The following KCND2 variants were observed in gnomAD, a reference collection of about 807,000 sequenced individuals.
The protein encoded by KCND2 is A-type voltage-gated potassium channel KCND2.
In KCND2, 16 loss-of-function variants were observed where a neutral mutation model predicts 54.4. The ratio of observed to expected loss-of-function variants is 0.29; its 90% CI spans 0.20 to 0.45. The LOEUF (loss-of-function observed/expected upper bound fraction) is 0.45, where lower values mean the gene tolerates loss of function less well. KCND2 is among the 20% of genes least tolerant of loss of function. The pLI, the probability that KCND2 is intolerant of heterozygous loss-of-function variation, is 1.00. For synonymous variants in KCND2, 317 were observed against 310.7 expected, an observed-to-expected ratio of 1.02 and a Z score of -0.21; for missense variants, 486 against 824.2, an observed-to-expected ratio of 0.59 and a Z score of 5.02.
At position 120,464,511 on chromosome 7, in the gene KCND2, A is replaced by G. The variant is rs191058544; in HGVS notation, c.1115+188764A>G. 8.5e-4 allele frequency among the ~76,000 whole-genome samples: 130 copies of G among 152,340 alleles called. 1 individual carries two copies. The highest frequency in any genetic ancestry group is 3.4e-3 in the Middle Eastern group (1 of 294). On this transcript the variant is annotated intron_variant, in intron 1 of 5. Coordinates refer to ENST00000331113, the MANE Select transcript of KCND2 (RefSeq NM_012281.3). ...TTTCTTTATTGATGCCTAACAAATT[A>G]ACATAAAATTAGCAGCTTAAAATCA...
chr7:120,545,044 CT>C (rs1432747553), intron 1 of KCND2, among the ~76,000 whole-genome samples: 1 of 151,896 alleles, frequency 6.6e-6, no homozygotes, highest in African/African-American at 2.4e-5. Flanking sequence ...TTTCACATTT[CT>C]GTAAACTCCT....
intron 1 of KCND2, among the ~76,000 whole-genome samples, chr7:120,426,440 G>A (rs1801707331): frequency 6.6e-6 from 1 of 152,028 alleles, no homozygotes; most frequent in Non-Finnish European, 1.5e-5. Context: ...ATTTAATTTG[G>A]ATTTGACTCT....
In KCND2 at chr7:120,662,341, T is replaced by C. The variant is rs143623592; in HGVS notation, c.1116-70562T>C. On this transcript the variant is annotated intron_variant, in intron 1 of 5. Transcript: ENST00000331113. ...CTCCAAGCATTTAGAATAGTATTGTTTTTAATCAGGTAAAAAAAATCTCAT... is the reference window on the plus strand; with the variant it reads ...CTCCAAGCATTTAGAATAGTATTGTCTTTAATCAGGTAAAAAAAATCTCAT... Among the ~76,000 whole-genome samples the C allele has an allele frequency of 4.7e-3, 709 of 152,310 alleles. 5 individuals are homozygous for C. The highest frequency in any genetic ancestry group is 0.016 in the African/African-American group (682 of 41,566).
chr7:120,375,237 A>AT (rs1205618920), intron 1 of KCND2, among the ~76,000 whole-genome samples: 1 of 151,888 alleles, frequency 6.6e-6, no homozygotes, highest in African/African-American at 2.4e-5. Flanking sequence ...AAGAACAAAC[A>AT]TTTTTGCAGG....
At chr7:120,323,343 AACGT>A (rs1429541616) in intron 1 of KCND2, among the ~76,000 whole-genome samples, 1 of 152,118 alleles carries the variant, frequency 6.6e-6, no homozygotes, top group East Asian at 1.9e-4. Flanking sequence ...ACATGAGCAC[AACGT>A]GCAGGTTAGT....
At chr7:120,338,298 GA>G (rs1181663033) in intron 1 of KCND2, among the ~76,000 whole-genome samples, 2 of 151,984 alleles carry the variant, frequency 1.3e-5, no homozygotes, top group Non-Finnish European at 2.9e-5. Context: ...CTTCTCACTA[GA>G]TAATAGAAAG....
At chr7:120,437,204 C>CT (rs66518858) in intron 1 of KCND2, among the ~76,000 whole-genome samples, 3,205 of 130,312 alleles carry the variant, frequency 0.025, 162 homozygotes, top group African/African-American at 0.083. Flanking sequence ...CAATATACAA[C>CT]TTTTTTTTTT....
intron 1 of KCND2, among the ~76,000 whole-genome samples, chr7:120,665,586 G>T (rs952043984): frequency 6.6e-6 from 1 of 151,952 alleles, no homozygotes; most frequent in Non-Finnish European, 1.5e-5. Context: ...TATGCCTGTG[G>T]ACTGGTAGCA....
chr7:120,464,273 A>T (rs974318502), intron 1 of KCND2, among the ~76,000 whole-genome samples: 2 of 151,916 alleles, frequency 1.3e-5, no homozygotes, highest in Non-Finnish European at 2.9e-5. Flanking sequence ...AGACAATAAG[A>T]TGACTAATTA....
Position 120,297,141 on chromosome 7 carries a change from C to T in KCND2, c.1115+21394C>T, listed in dbSNP as rs549554625. Among the ~76,000 whole-genome samples, 35 of 152,080 alleles carry T rather than the reference C, an allele frequency of 2.3e-4. 1 individual carries two copies. In the South Asian group the frequency reaches 7.3e-3, roughly 32 times the overall value. On this transcript the variant is annotated intron_variant, in intron 1 of 5. Coordinates refer to ENST00000331113, the MANE Select transcript of KCND2 (RefSeq NM_012281.3). ...ATTACCCACATCACGTACATTGTATCTATTAAATGATTTATTATTATTCAC... is the reference window on the plus strand; with the variant it reads ...ATTACCCACATCACGTACATTGTATTTATTAAATGATTTATTATTATTCAC...
At chr7:120,487,784 A>G (rs182026769) in intron 1 of KCND2, among the ~76,000 whole-genome samples, 1 of 152,348 alleles carries the variant, frequency 6.6e-6, no homozygotes, top group East Asian at 1.9e-4. Flanking sequence ...TTGAAATTAC[A>G]TCTCATCCCA....
intron 1 of KCND2, among the ~76,000 whole-genome samples, chr7:120,567,073 T>C (rs1423578360): frequency 1.3e-5 from 2 of 152,002 alleles, no homozygotes; most frequent in Non-Finnish European, 2.9e-5. Context: ...ATTTATTTAT[T>C]TGAAGGAAAA....
intron 1 of KCND2, among the ~76,000 whole-genome samples, chr7:120,510,267 C>A (rs1320302389): frequency 6.6e-6 from 1 of 152,118 alleles, no homozygotes; most frequent in Admixed American, 6.6e-5. Context: ...GTTTAACAAA[C>A]TTCTTGGCAT....
chr7:120,405,589 T>C (rs1303590896), intron 1 of KCND2, among the ~76,000 whole-genome samples: 1 of 152,044 alleles, frequency 6.6e-6, no homozygotes, highest in African/African-American at 2.4e-5. Context: ...CAAGTAAAAA[T>C]GGGTAAATAA....
intron 1 of KCND2, among the ~76,000 whole-genome samples, chr7:120,282,399 A>G (rs192663479): frequency 3.3e-5 from 5 of 152,316 alleles, no homozygotes; most frequent in East Asian, 3.9e-4. Flanking sequence ...GAAAAGCTCA[A>G]TGTAATCACC....
intron 1 of KCND2, among the ~76,000 whole-genome samples, chr7:120,580,548 A>C (rs950454579): frequency 1.3e-5 from 2 of 152,198 alleles, no homozygotes; most frequent in African/African-American, 2.4e-5. Context: ...TTATTCAGAC[A>C]GTCCTGCATT....
chr7:120,619,403 C>A (rs1793070022), intron 1 of KCND2, among the ~76,000 whole-genome samples: 1 of 152,114 alleles, frequency 6.6e-6, no homozygotes, highest in East Asian at 1.9e-4. Context: ...CAGAGCCAGA[C>A]CCTGTTGAAA....
intron 1 of KCND2, among the ~76,000 whole-genome samples, chr7:120,565,188 C>T (rs1224014497): frequency 1.3e-5 from 2 of 152,112 alleles, no homozygotes; most frequent in Non-Finnish European, 2.9e-5. Flanking sequence ...CACTGAAAGG[C>T]ACATGAGAAG....
intron 1 of KCND2, among the ~76,000 whole-genome samples, chr7:120,725,049 A>C (rs968422803): frequency 6.6e-6 from 1 of 152,168 alleles, no homozygotes; most frequent in African/African-American, 2.4e-5. Context: ...ATAATCATAT[A>C]ATAGGCTAAA....
Sources: allele counts gnomAD v4.1 joint callset (sites outside exome capture counted in the v4.1 genomes callset), GRCh38; gene constraint gnomAD v4.1.1; transcripts MANE v1.5; gene names NCBI Gene and HGNC (gene_info 2026-07-23, HGNC 2026-07-21).